GNAO1: variants seen among roughly 807,000 people sequenced by gnomAD.
The protein encoded by GNAO1 is guanine nucleotide-binding protein G(o) subunit alpha.
For synonymous variants in GNAO1, 164 were observed against 180.7 expected (o/e 0.91, Z 0.74); for missense variants, 166 against 478.7 (o/e 0.35, Z 6.10).
rs577882232 is a variant in GNAO1, at chr16:56,286,101, C to T, written c.303+10029C>T. Among the ~76,000 whole-genome samples, 4 of 152,270 alleles carry T rather than the reference C, an allele frequency of 2.6e-5. No individual in the cohort carries two copies. The South Asian group carries it at 8.3e-4, about 32-fold the overall frequency. ...CAGCCAAGGTGGTATCTGCCCCTGCCCTGCTGGGAGTGTAGTGGGGGTCAC... is the reference window on the plus strand; with the variant it reads ...CAGCCAAGGTGGTATCTGCCCCTGCTCTGCTGGGAGTGTAGTGGGGGTCAC... On this transcript the variant is annotated intron_variant, in intron 3 of 8. Coordinates refer to ENST00000262493, the MANE Select transcript of GNAO1 (RefSeq NM_020988.3).
chr16:56,245,016 G>C (rs2036730023), intron 2 of GNAO1, among the ~76,000 whole-genome samples: 1 of 152,134 alleles, frequency 6.6e-6, no homozygotes, highest in Non-Finnish European at 1.5e-5. Flanking sequence ...AATTTTCAAA[G>C]AAAGTTTCAC....
intron 2 of GNAO1, among the ~76,000 whole-genome samples, chr16:56,205,356 G>C (rs567501475): frequency 8.8e-4 from 134 of 152,344 alleles, no homozygotes; most frequent in African/African-American, 3.1e-3. Flanking sequence ...GCTCCAGCCA[G>C]GGCAGACAAC....
At position 56,228,483 on chromosome 16, in the gene GNAO1, T is replaced by C. The variant is rs181318621; in HGVS notation, c.161+35867T>C. ...TTTATTTATTTATTTAGATTATGTA[T>C]ATTAAAATACATAAAGAAAAATAGA... On this transcript the variant is annotated intron_variant, in intron 2 of 8. Coordinates refer to ENST00000262493, the MANE Select transcript of GNAO1 (RefSeq NM_020988.3). 8.9e-4 allele frequency among the ~76,000 whole-genome samples: 135 copies of C among 151,676 alleles called. 2 individuals carry two copies. The highest frequency in any genetic ancestry group is 1.4e-3 in the East Asian group (7 of 5,184).
intron 2 of GNAO1, among the ~76,000 whole-genome samples, chr16:56,240,041 G>C (rs2036678877): frequency 6.6e-6 from 1 of 152,154 alleles, no homozygotes; most frequent in Admixed American, 6.5e-5. Flanking sequence ...GAGTTGATTG[G>C]GTAGGTGGTC....
chr16:56,348,963 G>A (rs2037898010), intron 6 of GNAO1, among the ~76,000 whole-genome samples: 2 of 152,228 alleles, frequency 1.3e-5, no homozygotes, highest in Admixed American at 1.3e-4. Flanking sequence ...TGGACTCTGA[G>A]CTCTCGGAGA....
At chr16:56,288,743 G>C (rs1205404214) in intron 3 of GNAO1, among the ~76,000 whole-genome samples, 1 of 152,054 alleles carries the variant, frequency 6.6e-6, no homozygotes, top group African/African-American at 2.4e-5. Context: ...GGGTGGAGGC[G>C]GGTAGGGTCT....
At chr16:56,336,650 T>A in intron 5 of GNAO1, 81 bp from the exon 6 acceptor site, 1 of 1,345,790 alleles carries the variant, frequency 7.4e-7, no homozygotes, top group Non-Finnish European at 1.0e-6. Flanking sequence ...ATCCTCTGCC[T>A]CTCAGCGTGC....
At chr16:56,303,907 G>C (rs2037367826) in intron 3 of GNAO1, among the ~76,000 whole-genome samples, 1 of 152,104 alleles carries the variant, frequency 6.6e-6, no homozygotes, top group East Asian at 1.9e-4. Flanking sequence ...TCATTTTATA[G>C]ACGCTGGCAA....
intron 3 of GNAO1, among the ~76,000 whole-genome samples, chr16:56,294,341 TAAA>T (rs377121608): frequency 2.2e-5 from 3 of 133,624 alleles, no homozygotes; most frequent in Non-Finnish European, 4.8e-5. Context: ...GGCTTTGCTT[TAAA>T]AAAAAAAAAA....
chr16:56,308,615 G>C (rs928616919), intron 3 of GNAO1, among the ~76,000 whole-genome samples: 1 of 152,146 alleles, frequency 6.6e-6, no homozygotes, highest in Non-Finnish European at 1.5e-5. Context: ...AAGGTGGCTC[G>C]GGAAAGCAAG....
intron 2 of GNAO1, among the ~76,000 whole-genome samples, chr16:56,215,800 T>C (rs1184999491): frequency 1.3e-5 from 2 of 152,212 alleles, no homozygotes; most frequent in Non-Finnish European, 2.9e-5. Flanking sequence ...ACATACATGA[T>C]ATGTATCATT....
chr16:56,230,258 C>T (rs972848897), intron 2 of GNAO1, among the ~76,000 whole-genome samples: 5 of 152,214 alleles, frequency 3.3e-5, no homozygotes, highest in African/African-American at 1.2e-4. Flanking sequence ...GCTGTGGGGC[C>T]TGGTCTCTTC....
Position 56,357,055 on chromosome 16 carries a change from G to GA in GNAO1, c.*981_*982insA. On this transcript the variant is annotated 3_prime_UTR_variant, in exon 9 of 9. Coordinates refer to ENST00000262493, the MANE Select transcript of GNAO1 (RefSeq NM_020988.3). ...AAAAAATTTTTAAATACCACAAGAT[G>GA]GAAAAAAAAAACAAAAAAATTTAAA... 1 of 143,528 alleles carries GA rather than the reference G, an allele frequency of 7.0e-6. No homozygotes were observed. The highest frequency in any genetic ancestry group is 2.5e-5 in the African/African-American group (1 of 39,466). 8.9% of individuals were successfully genotyped at this position (143,528 alleles called of 1,614,324 possible). A position where few individuals can be genotyped will look rare whatever the true frequency, so the allele number is the denominator to read the frequency against.
intron 2 of GNAO1, among the ~76,000 whole-genome samples, chr16:56,232,299 C>T (rs1322469856): frequency 6.6e-6 from 1 of 152,126 alleles, no homozygotes; most frequent in Non-Finnish European, 1.5e-5. Context: ...TTCAGAAATG[C>T]GCCCAGTAAG....
intron 2 of GNAO1, among the ~76,000 whole-genome samples, chr16:56,202,578 G>T (rs1363658443): frequency 1.3e-5 from 2 of 152,202 alleles, no homozygotes; most frequent in East Asian, 3.9e-4. Flanking sequence ...AACCCCTTAG[G>T]GGATGGGTAG....
At chr16:56,254,875 T>A (rs1397580771) in intron 2 of GNAO1, among the ~76,000 whole-genome samples, 1 of 152,184 alleles carries the variant, frequency 6.6e-6, no homozygotes, top group African/African-American at 2.4e-5. Context: ...TTTCCCTTAA[T>A]TCATAATTAA....
rs563559009 is a variant in GNAO1 at position 56,214,224 on chromosome 16, G to A, written c.161+21608G>A. Among the ~76,000 whole-genome samples the A allele has an allele frequency of 5.9e-5, 9 of 152,280 alleles. No homozygotes were observed. The East Asian group carries it at 1.5e-3, about 26-fold the overall frequency. Reference sequence around the variant, plus strand: ...GAGGCTCTCATTGCTGGGGCTTCCCGTTGGCCCTAGCTCTGCATCTGCTCT... The same window carrying A: ...GAGGCTCTCATTGCTGGGGCTTCCCATTGGCCCTAGCTCTGCATCTGCTCT... On this transcript the variant is annotated intron_variant, in intron 2 of 8. Transcript: ENST00000262493.
chr16:56,276,176 C>T (rs2037060141), intron 3 of GNAO1, 104 bp downstream of exon 3: 2 of 965,846 alleles, frequency 2.1e-6, no homozygotes, highest in South Asian at 3.8e-5. Flanking sequence ...CGAGAAGAGA[C>T]TCCGCTATGT....
At chr16:56,246,419 C>T (rs553147996) in intron 2 of GNAO1, among the ~76,000 whole-genome samples, 4 of 152,300 alleles carry the variant, frequency 2.6e-5, no homozygotes, top group South Asian at 2.1e-4. Context: ...ATCAGAGTCC[C>T]GTTCACAGAA....
Sources: allele counts gnomAD v4.1 joint callset (sites outside exome capture counted in the v4.1 genomes callset), GRCh38; gene constraint gnomAD v4.1.1; transcripts MANE v1.5; gene names NCBI Gene and HGNC (gene_info 2026-07-23, HGNC 2026-07-21).